The following TBC1D19 variants were observed in gnomAD, a reference collection of about 807,000 sequenced individuals.
The protein encoded by TBC1D19 is TBC1 domain family member 19.
Under a neutral mutation model 89.0 loss-of-function variants are expected in TBC1D19, and 60 were observed. That is an observed-to-expected ratio of 0.67 (90% confidence interval 0.55 to 0.84). The LOEUF (loss-of-function observed/expected upper bound fraction) is 0.84. TBC1D19 is among the 40% of genes least tolerant of loss of function. The pLI, the probability that TBC1D19 is intolerant of heterozygous loss-of-function variation, is 0.00. For missense variants in TBC1D19, 500 were observed against 610.8 expected (o/e 0.82, Z 1.91); for synonymous variants, 189 against 199.7 (o/e 0.95, Z 0.45).
chr4:26,739,084 C>T (rs1718201852), intron 16 of TBC1D19, among the ~76,000 whole-genome samples: 1 of 152,098 alleles, frequency 6.6e-6, no homozygotes. Context: ...GCCTAAAATA[C>T]TTAAGGCTTG....
At chr4:26,701,468 T>A (rs1715326226) in intron 13 of TBC1D19, among the ~76,000 whole-genome samples, 1 of 152,184 alleles carries the variant, frequency 6.6e-6, no homozygotes, top group Admixed American at 6.6e-5. Context: ...TTTTGGTCCT[T>A]ATTGTTAATT....
At chr4:26,838,433 G>A in the TBC1D19 span, among the ~76,000 whole-genome samples, 1 of 152,140 alleles carries the variant, frequency 6.6e-6, no homozygotes, top group African/African-American at 2.4e-5. Flanking sequence ...AAGGCTGGCT[G>A]ACATATATGA....
the TBC1D19 span, among the ~76,000 whole-genome samples, chr4:26,766,671 T>C: frequency 6.6e-6 from 1 of 152,178 alleles, no homozygotes; most frequent in Non-Finnish European, 1.5e-5. Flanking sequence ...ATTTTCACAA[T>C]ATACCCATAT....
the TBC1D19 span, among the ~76,000 whole-genome samples, chr4:26,853,170 T>C: frequency 6.6e-6 from 1 of 152,196 alleles, no homozygotes; most frequent in African/African-American, 2.4e-5. Flanking sequence ...TCTTTCATTA[T>C]CCACTATTTT....
At chr4:26,649,228 T>G (rs1452615298) in intron 7 of TBC1D19, among the ~76,000 whole-genome samples, 1 of 152,134 alleles carries the variant, frequency 6.6e-6, no homozygotes, top group Non-Finnish European at 1.5e-5. Context: ...TTTGGTATTA[T>G]AGCATATATT....
chr4:26,706,922 A>G (rs1441439450), intron 13 of TBC1D19, among the ~76,000 whole-genome samples: 4 of 152,084 alleles, frequency 2.6e-5, no homozygotes, highest in East Asian at 1.9e-4. Flanking sequence ...TTAAAAATCT[A>G]TTGAAACTTA....
chr4:26,823,705 A>G, the TBC1D19 span, among the ~76,000 whole-genome samples: 1 of 152,148 alleles, frequency 6.6e-6, no homozygotes, highest in Admixed American at 6.5e-5. Flanking sequence ...TGAGCCAATA[A>G]ATTATCTTTG....
At chr4:26,770,075 A>G in the TBC1D19 span, among the ~76,000 whole-genome samples, 2 of 151,830 alleles carry the variant, frequency 1.3e-5, no homozygotes, top group Non-Finnish European at 2.9e-5. Flanking sequence ...GAAAAAAAAA[A>G]CAACATGGTA....
chr4:26,627,736 TG>T (rs1742521331), intron 4 of TBC1D19, among the ~76,000 whole-genome samples: 1 of 152,190 alleles, frequency 6.6e-6, no homozygotes. Context: ...TTGATGGGGT[TG>T]TTTTTTTCTC....
chr4:26,673,444 T>TACACACACACACACACAC lies in TBC1D19; in HGVS notation c.704-331_704-330insCACACACACACACACACA, dbSNP rs149722432. Among the ~76,000 whole-genome samples the TACACACACACACACACAC allele has an allele frequency of 4.3e-3, 336 of 78,326 alleles. 1 individual carries two copies. The highest frequency in any genetic ancestry group is 0.016 in the African/African-American group (326 of 19,900). The allele number at this position is 78,326 out of a possible 152,430, so 51.4% of individuals were successfully genotyped here. ...TATTTCATATATATATATATATATA[T>TACACACACACACACACAC]ATACACACACACACACACACACACA... On this transcript the variant is annotated intron_variant, in intron 10 of 20. Coordinates refer to ENST00000264866, the MANE Select transcript of TBC1D19 (RefSeq NM_018317.4).
chr4:26,653,186 G>A (rs1385661446), intron 7 of TBC1D19, among the ~76,000 whole-genome samples: 2 of 152,174 alleles, frequency 1.3e-5, no homozygotes, highest in Non-Finnish European at 2.9e-5. Flanking sequence ...TTCTGAGTGA[G>A]TTTCTTAATC....
intron 13 of TBC1D19, among the ~76,000 whole-genome samples, chr4:26,714,902 A>G (rs1461485596): frequency 6.6e-6 from 1 of 151,958 alleles, no homozygotes; most frequent in Non-Finnish European, 1.5e-5. Flanking sequence ...TCCACCTTTG[A>G]TGGTTACTCA....
chr4:26,853,323 G>C, the TBC1D19 span, among the ~76,000 whole-genome samples: 3 of 152,080 alleles, frequency 2.0e-5, no homozygotes, highest in African/African-American at 4.8e-5. Context: ...CAGGTCAAAA[G>C]TTATCTCCCC....
the TBC1D19 span, among the ~76,000 whole-genome samples, chr4:26,847,104 T>C: frequency 6.6e-6 from 1 of 152,240 alleles, no homozygotes; most frequent in Non-Finnish European, 1.5e-5. Context: ...ATCTATGTGT[T>C]CAGTCATTGA....
the TBC1D19 span, among the ~76,000 whole-genome samples, chr4:26,764,030 A>G: frequency 1.3e-5 from 2 of 152,186 alleles, no homozygotes; most frequent in Non-Finnish European, 2.9e-5. Flanking sequence ...CTTCTTTCAA[A>G]TATGTATGCC....
At chr4:26,679,232 C>T (rs766185054) in intron 11 of TBC1D19, among the ~76,000 whole-genome samples, 1 of 152,166 alleles carries the variant, frequency 6.6e-6, no homozygotes, top group African/African-American at 2.4e-5. Flanking sequence ...AAATGGTTTC[C>T]TGAGCCAAGC....
At chr4:26,839,256 A>G in the TBC1D19 span, among the ~76,000 whole-genome samples, 1 of 152,194 alleles carries the variant, frequency 6.6e-6, no homozygotes. Flanking sequence ...AAAATTTTAA[A>G]GCGGCTTTAA....
the TBC1D19 span, among the ~76,000 whole-genome samples, chr4:26,839,925 C>G: frequency 6.6e-6 from 1 of 152,210 alleles, no homozygotes; most frequent in East Asian, 1.9e-4. Context: ...GGGCATGTGT[C>G]CCTTCTAAGG....
chr4:26,713,517 AAAAAT>A (rs1716345847), intron 13 of TBC1D19, among the ~76,000 whole-genome samples: 1 of 152,086 alleles, frequency 6.6e-6, no homozygotes, highest in Admixed American at 6.6e-5. Flanking sequence ...ATGGAATAAG[AAAAAT>A]AAAATAATAA....
Sources: allele counts gnomAD v4.1 joint callset (sites outside exome capture counted in the v4.1 genomes callset), GRCh38; gene constraint gnomAD v4.1.1; transcripts MANE v1.5; gene names NCBI Gene and HGNC (gene_info 2026-07-23, HGNC 2026-07-21).